EXOSC5: variants seen among roughly 807,000 people sequenced by gnomAD.
EXOSC5 encodes exosome complex component RRP46.
Under a neutral mutation model 23.7 loss-of-function variants are expected in EXOSC5, and 15 were observed. That is an observed-to-expected ratio of 0.63 (90% CI 0.42 to 0.97). The LOEUF is 0.97. EXOSC5 is among the 50% of genes least tolerant of loss of function. The pLI is 0.00. For missense variants in EXOSC5, 305 were observed against 316.3 expected, an observed-to-expected ratio of 0.96 and a Z score of 0.27; for synonymous variants, 143 against 140.9, an observed-to-expected ratio of 1.02 and a Z score of -0.11.
At position 41,392,916 on chromosome 19, in the gene EXOSC5, G is replaced by A. The variant is rs750069576; in HGVS notation, c.213C>T (p.Phe71=). 1 of 1,613,730 alleles carries A rather than the reference G, an allele frequency of 6.2e-7. No individual in the cohort carries two copies. The highest frequency in any genetic ancestry group is 8.5e-7 in the Non-Finnish European group (1 of 1,180,016). Residue 71 remains phenylalanine (F), a synonymous_variant, in exon 2 of 6, where the codon TTC becomes TTT. Transcript: ENST00000221233. ...GGATCACTTCGAGTGTGGCCTTGTT[G>A]AAAATCTCTTTGCTGACCTTCACCT... ...PAEVKVSKEI[F]NKATLEVILR... is the part of the protein sequence containing the mutation.
rs765842340 is a variant in EXOSC5 at position 41,393,529 on chromosome 19, G to A, written c.149-549C>T. On this transcript the variant is annotated intron_variant, in intron 1 of 5. Coordinates refer to ENST00000221233, the MANE Select transcript of EXOSC5 (RefSeq NM_020158.4). Reference sequence around the variant, plus strand: ...ATCCCAAGGTGCTAGGATTACAGGCGTGAGCTACCACGCCTGGCCCTGATA... The same window carrying A: ...ATCCCAAGGTGCTAGGATTACAGGCATGAGCTACCACGCCTGGCCCTGATA... Among the ~76,000 whole-genome samples, 7 of 151,224 alleles carry A rather than the reference G, an allele frequency of 4.6e-5. 1 individual carries two copies. In the South Asian group the frequency reaches 6.3e-4, roughly 14 times the overall value.
In EXOSC5 at chr19:41,389,630, T is replaced by C. The variant is rs949696011; in HGVS notation, c.525+135A>G. 48 of 1,284,466 alleles carry C rather than the reference T, an allele frequency of 3.7e-5. No individual in the cohort carries two copies. The East Asian group carries it at 8.9e-4, about 24-fold the overall frequency. 79.6% of individuals were successfully genotyped at this position (1,284,466 alleles called of 1,614,324 possible). ...CCAGCACTTGCTGCTAAATGAACCATGATGATTAGAGCAGCCCTTGCTAAG... is the reference window on the plus strand; with the variant it reads ...CCAGCACTTGCTGCTAAATGAACCACGATGATTAGAGCAGCCCTTGCTAAG... On this transcript the variant is annotated intron_variant, in intron 4 of 5. Coordinates refer to ENST00000221233, the MANE Select transcript of EXOSC5 (RefSeq NM_020158.4).
intron 4 of EXOSC5, among the ~76,000 whole-genome samples, chr19:41,389,350 C>T (rs1475944379): frequency 6.6e-6 from 1 of 152,146 alleles, no homozygotes; most frequent in Admixed American, 6.5e-5. Flanking sequence ...ACCACAACCT[C>T]CGCGTCCTGG....
At chr19:41,388,169 C>G (rs2123219597) in intron 4 of EXOSC5, among the ~76,000 whole-genome samples, 1 of 152,358 alleles carries the variant, frequency 6.6e-6, no homozygotes, top group South Asian at 2.1e-4. Flanking sequence ...TTATTCCAAC[C>G]ACGTGGTTCT....
intron 1 of EXOSC5, among the ~76,000 whole-genome samples, chr19:41,396,971 A>T (rs907000482): frequency 1.3e-5 from 2 of 152,092 alleles, no homozygotes; most frequent in South Asian, 4.1e-4. Flanking sequence ...ATTCTCAGAG[A>T]TAGTTACAAA....
At chr19:41,389,685 T>C in intron 4 of EXOSC5, 80 bp downstream of exon 4, 2 of 1,541,900 alleles carry the variant, frequency 1.3e-6, no homozygotes, top group Non-Finnish European at 1.7e-6. Context: ...GCCGACTGTC[T>C]GTAGAGAAGC....
chr19:41,386,517 C>T lies in EXOSC5; in HGVS notation c.*116G>A, dbSNP rs572790157. 9.9e-7 allele frequency: 1 copy of T among 1,012,400 alleles called. No individual in the cohort carries two copies. The highest frequency in any genetic ancestry group is 1.4e-6 in the Non-Finnish European group (1 of 693,932). The allele number at this position is 1,012,400 out of a possible 1,614,324, so 62.7% of individuals were successfully genotyped here. A position where few individuals can be genotyped will look rare whatever the true frequency, so the allele number is the denominator to read the frequency against. On this transcript the variant is annotated 3_prime_UTR_variant, in exon 6 of 6. Transcript: ENST00000221233. Reference sequence around the variant, plus strand: ...CCACAGGAGCCCTGTGGTTACAGAGCTGCAGGCTCAAGGAGCCCATGGGTC... The same window carrying T: ...CCACAGGAGCCCTGTGGTTACAGAGTTGCAGGCTCAAGGAGCCCATGGGTC...
At chr19:41,388,375 G>A (rs1210870465) in intron 4 of EXOSC5, among the ~76,000 whole-genome samples, 1 of 152,258 alleles carries the variant, frequency 6.6e-6, no homozygotes, top group Non-Finnish European at 1.5e-5. Context: ...TGGAAGAAAA[G>A]CAGCACCCTG....
In EXOSC5 at chr19:41,397,316, TCTC is replaced by T. The variant is rs1290990870; in HGVS notation, c.10_12del (p.Glu4del). 3.1e-6 allele frequency: 5 copies of T among 1,612,722 alleles called. No homozygotes were observed. In the Admixed American group the frequency reaches 6.7e-5, roughly 22 times the overall value. On this transcript the variant is annotated inframe_deletion, in exon 1 of 6. Transcript: ENST00000221233. The stretch of plus-strand genomic sequence containing the variant: ...GCACGGATTTTGGCGTCAGTATGCG[TCTC>T]CTCCTCCATCGCGCCGAGCCCACGT...
At position 41,386,542 on chromosome 19, in the gene EXOSC5, C is replaced by T; in HGVS notation, c.*91G>A. 1 of 1,314,442 alleles carries T rather than the reference C, an allele frequency of 7.6e-7. No individual in the cohort carries two copies. Among genetic ancestry groups the T allele is most frequent in the Non-Finnish European group, 1.1e-6 (1 of 951,640 alleles). 81.4% of individuals were successfully genotyped at this position (1,314,442 alleles called of 1,614,324 possible). A position where few individuals can be genotyped will look rare whatever the true frequency, so the allele number is the denominator to read the frequency against. The stretch of plus-strand genomic sequence containing the variant: ...CTGCAGGCTCAAGGAGCCCATGGGT[C>T]AGAGAGGCAAGGCTGGGCTGCTGGT... On this transcript the variant is annotated 3_prime_UTR_variant, in exon 6 of 6. Transcript: ENST00000221233.
chr19:41,390,170 G>A (rs1182060294), intron 3 of EXOSC5, among the ~76,000 whole-genome samples: 1 of 152,088 alleles, frequency 6.6e-6, no homozygotes, highest in Non-Finnish European at 1.5e-5. Flanking sequence ...CTGACCTCAG[G>A]TGATCCACCT....
At chr19:41,395,047 GA>G (rs59002070) in intron 1 of EXOSC5, among the ~76,000 whole-genome samples, 84,211 of 136,580 alleles carry the variant, frequency 0.62, 25,715 homozygotes, top group African/African-American at 0.69. Context: ...AAAAAAAAAA[GA>G]AAAAAAAAAA....
intron 1 of EXOSC5, among the ~76,000 whole-genome samples, chr19:41,396,657 GA>G (rs58057017): frequency 0.55 from 80,870 of 146,704 alleles, 22,769 homozygotes; most frequent in Middle Eastern, 0.6. Context: ...TAATCTTAGG[GA>G]TATTTACTTG....
intron 1 of EXOSC5, among the ~76,000 whole-genome samples, chr19:41,396,847 G>T (rs2039070795): frequency 6.8e-6 from 1 of 147,152 alleles, no homozygotes; most frequent in African/African-American, 2.5e-5. Context: ...TGTGTGGGGG[G>T]TGGGGGTGGG....
intron 1 of EXOSC5, among the ~76,000 whole-genome samples, chr19:41,396,196 C>T (rs1044300799): frequency 2.2e-4 from 34 of 151,656 alleles, no homozygotes; most frequent in African/African-American, 8.0e-4. Context: ...TGGGTGACAT[C>T]GTGAGACGCT....
At chr19:41,390,006 C>T in intron 3 of EXOSC5, 101 bp from the exon 4 acceptor site, 1 of 1,363,034 alleles carries the variant, frequency 7.3e-7, no homozygotes, top group Non-Finnish European at 9.6e-7. Flanking sequence ...GATCTCGGCT[C>T]ACTGCAACCT....
In EXOSC5 at chr19:41,397,258, G is replaced by A. The variant is rs772859389; in HGVS notation, c.71C>T (p.Pro24Leu). 19 of 1,614,120 alleles carry A rather than the reference G, an allele frequency of 1.2e-5. No individual in the cohort carries two copies. Among genetic ancestry groups the A allele is most frequent in the Non-Finnish European group, 1.6e-5 (19 of 1,180,038 alleles). The change falls in exon 1 of 6, where the codon CCT becomes CTT. Residue 24 changes from proline (P) to leucine (L), a missense_variant. Physicochemically the swap from Pro to Leu is moderately conservative, Grantham distance 98. Coordinates refer to ENST00000221233, the MANE Select transcript of EXOSC5 (RefSeq NM_020158.4). ...ENGTGSSPRGPGCSLRHFACE... is the reference protein window; with the variant it reads ...ENGTGSSPRGLGCSLRHFACE... Reference sequence around the variant, plus strand: ...GGCAAAGTGCCGGAGGCTGCAGCCAGGACCCCGAGGGCTGGACCCTGTTCC... The same window carrying A: ...GGCAAAGTGCCGGAGGCTGCAGCCAAGACCCCGAGGGCTGGACCCTGTTCC...
chr19:41,392,576 ACT>A (rs2039031332), intron 2 of EXOSC5, among the ~76,000 whole-genome samples: 1 of 151,642 alleles, frequency 6.6e-6, no homozygotes, highest in Non-Finnish European at 1.5e-5. Flanking sequence ...AGAGCGAGAC[ACT>A]GTCTCCAAAA....
At chr19:41,391,396 A>T (rs566010853) in intron 3 of EXOSC5, 1 of 160,866 alleles carries the variant, frequency 6.2e-6, no homozygotes, top group South Asian at 2.0e-4. Flanking sequence ...CAAAAAACAA[A>T]AGAAGTGATT....
Sources: allele counts gnomAD v4.1 joint callset (sites outside exome capture counted in the v4.1 genomes callset), GRCh38; gene constraint gnomAD v4.1.1; transcripts MANE v1.5; gene names NCBI Gene and HGNC (gene_info 2026-07-23, HGNC 2026-07-21).